CTNNA2: variants seen among roughly 807,000 people sequenced by gnomAD.
CTNNA2 encodes the protein catenin alpha-2.
Under a neutral mutation model 101.0 loss-of-function variants are expected in CTNNA2, and 42 were observed. The observed-to-expected ratio is 0.42, with a 90% CI of 0.32 to 0.54. The LOEUF (loss-of-function observed/expected upper bound fraction) is 0.54. Among genes scored for constraint, CTNNA2 ranks in the 20% least tolerant of loss-of-function variants. CTNNA2 has a pLI of 0.14. For missense variants in CTNNA2, 871 were observed against 1,223.1 expected, an observed-to-expected ratio of 0.71 and a Z score of 4.29; for synonymous variants, 450 against 456.4, an observed-to-expected ratio of 0.99 and a Z score of 0.18.
intron 9 of CTNNA2, among the ~76,000 whole-genome samples, chr2:80,541,405 C>T (rs983678212): frequency 2.6e-5 from 4 of 152,142 alleles, no homozygotes; most frequent in Non-Finnish European, 5.9e-5. Flanking sequence ...CAAGAGGTGC[C>T]AGCTCTTTAT....
At chr2:79,951,704 A>G (rs965920045) in intron 7 of CTNNA2, among the ~76,000 whole-genome samples, 2 of 151,988 alleles carry the variant, frequency 1.3e-5, no homozygotes, top group Non-Finnish European at 2.9e-5. Context: ...AAAATAAAAT[A>G]AAATAAAATA....
chr2:79,565,957 T>G (rs1377087718), intron 1 of CTNNA2, among the ~76,000 whole-genome samples: 1 of 151,898 alleles, frequency 6.6e-6, no homozygotes, highest in Non-Finnish European at 1.5e-5. Flanking sequence ...ATCTTTAACA[T>G]ACATAGAATA....
At chr2:79,403,813 A>T (rs994157563) in intron 4 of CTNNA2, among the ~76,000 whole-genome samples, 1 of 151,978 alleles carries the variant, frequency 6.6e-6, no homozygotes, top group African/African-American at 2.4e-5. Context: ...AACTTCATTG[A>T]GTGTTGATGG....
At chr2:80,396,777 C>A (rs114253171) in intron 8 of CTNNA2, among the ~76,000 whole-genome samples, 7 of 152,168 alleles carry the variant, frequency 4.6e-5, no homozygotes, top group Non-Finnish European at 1.0e-4. Flanking sequence ...TGCAATGTTG[C>A]TAAACTTAGC....
chr2:80,090,142 CTCTCTG>C (rs1273960921), intron 7 of CTNNA2, among the ~76,000 whole-genome samples: 2 of 86,102 alleles, frequency 2.3e-5, no homozygotes, highest in East Asian at 1.2e-3. Flanking sequence ...CACTCTCTCT[CTCTCTG>C]TGTGTGTGTG....
intron 7 of CTNNA2, among the ~76,000 whole-genome samples, chr2:80,354,232 C>A (rs1051168483): frequency 9.2e-5 from 14 of 152,200 alleles, no homozygotes; most frequent in Non-Finnish European, 1.6e-4. Context: ...AAAATGTCAT[C>A]ACGGGAGAAT....
At chr2:79,990,188 G>A (rs184858044) in intron 7 of CTNNA2, among the ~76,000 whole-genome samples, 1 of 152,212 alleles carries the variant, frequency 6.6e-6, no homozygotes, top group East Asian at 1.9e-4. Flanking sequence ...GCTCTAGGGA[G>A]AACTCAGGAA....
intron 2 of CTNNA2, among the ~76,000 whole-genome samples, chr2:79,215,405 G>A (rs1674241645): frequency 6.6e-6 from 1 of 152,072 alleles, no homozygotes; most frequent in Non-Finnish European, 1.5e-5. Flanking sequence ...TTGCAACTGA[G>A]AAATATGTTG....
intron 2 of CTNNA2, among the ~76,000 whole-genome samples, chr2:79,718,673 A>G (rs13034463): frequency 0.17 from 26,198 of 152,202 alleles, 2,576 homozygotes; most frequent in Middle Eastern, 0.23. Context: ...TTAAGACCGT[A>G]TATACACATC....
chr2:80,136,225 G>T (rs547064444), intron 7 of CTNNA2, among the ~76,000 whole-genome samples: 1 of 152,246 alleles, frequency 6.6e-6, no homozygotes, highest in African/African-American at 2.4e-5. Context: ...GGCCTGCGGA[G>T]GAGGCAAGAG....
chr2:80,125,218 G>A (rs780745692), intron 7 of CTNNA2, among the ~76,000 whole-genome samples: 2 of 152,090 alleles, frequency 1.3e-5, no homozygotes, highest in Non-Finnish European at 2.9e-5. Flanking sequence ...TGTGTTAAGT[G>A]TGAAGTTAGT....
At chr2:80,431,268 A>G (rs1681481884) in intron 9 of CTNNA2, among the ~76,000 whole-genome samples, 1 of 152,286 alleles carries the variant, frequency 6.6e-6, no homozygotes, top group South Asian at 2.1e-4. Flanking sequence ...CTCAGTGGGT[A>G]TGTACTTTCA....
chr2:79,239,431 C>A (rs1189972838), intron 2 of CTNNA2, among the ~76,000 whole-genome samples: 3 of 152,158 alleles, frequency 2.0e-5, no homozygotes, highest in Admixed American at 6.5e-5. Context: ...ATAGAACTGG[C>A]CCTCTTTCTT....
intron 7 of CTNNA2, among the ~76,000 whole-genome samples, chr2:80,231,114 G>A (rs185082166): frequency 5.3e-5 from 8 of 152,242 alleles, no homozygotes; most frequent in East Asian, 3.9e-4. Flanking sequence ...TGGGATGACA[G>A]GCATGCACTA....
intron 7 of CTNNA2, among the ~76,000 whole-genome samples, chr2:80,134,908 G>A (rs1236770918): frequency 6.6e-6 from 1 of 152,126 alleles, no homozygotes; most frequent in Non-Finnish European, 1.5e-5. Flanking sequence ...AAACATCTTG[G>A]TTTTCTGCAT....
intron 1 of CTNNA2, among the ~76,000 whole-genome samples, chr2:79,562,477 G>T (rs1438786761): frequency 6.6e-6 from 1 of 151,932 alleles, no homozygotes; most frequent in Admixed American, 6.6e-5. Context: ...ACTTGATAGG[G>T]TTTTTTAGCC....
intron 1 of CTNNA2, among the ~76,000 whole-genome samples, chr2:79,593,859 C>T (rs956927640): frequency 3.3e-5 from 5 of 151,668 alleles, no homozygotes; most frequent in Admixed American, 2.6e-4. Context: ...GCATCTGAGC[C>T]CCAGTGCTGC....
At chr2:79,264,070 G>A (rs1245181421) in intron 2 of CTNNA2, among the ~76,000 whole-genome samples, 1 of 152,180 alleles carries the variant, frequency 6.6e-6, no homozygotes, top group Non-Finnish European at 1.5e-5. Flanking sequence ...AAATGTAAGT[G>A]AGTGGAACAA....
intron 6 of CTNNA2, among the ~76,000 whole-genome samples, chr2:79,883,860 T>C (rs1240860196): frequency 6.6e-6 from 1 of 152,160 alleles, no homozygotes; most frequent in African/African-American, 2.4e-5. Context: ...ATTATTTAAA[T>C]TGTCATTACA....
Sources: gnomAD v4.1 joint callset for allele counts (sites outside exome capture counted in the v4.1 genomes callset) on GRCh38, gnomAD v4.1.1 for gene constraint, MANE v1.5 for transcripts, NCBI Gene and HGNC (gene_info 2026-07-23, HGNC 2026-07-21) for gene names.